DELE1: variants seen among roughly 807,000 people sequenced by gnomAD.
DELE1 encodes the protein death ligand signal enhancer.
Under a neutral mutation model 59.3 loss-of-function variants are expected in DELE1, and 54 were observed. The ratio of observed to expected loss-of-function variants is 0.91; its 90% CI spans 0.73 to 1.14. DELE1 has a LOEUF of 1.14. Among genes scored for constraint, DELE1 ranks in the 50% most tolerant of loss-of-function variants. The pLI, the probability that DELE1 is intolerant of heterozygous loss-of-function variation, is 0.00. For missense variants in DELE1, 636 were observed against 643.9 expected (o/e 0.99, Z 0.13); for synonymous variants, 264 against 259.1 (o/e 1.02, Z -0.18).
chr5:141,924,084 A>G (rs746930162), intron 1 of DELE1, 112 bp downstream of exon 1: 14 of 1,399,298 alleles, frequency 1.0e-5, no homozygotes, highest in Non-Finnish European at 1.3e-5. Context: ...AGAGCCAAGG[A>G]AGGCGGGGCT....
intron 7 of DELE1, among the ~76,000 whole-genome samples, chr5:141,932,390 G>T (rs1485626497): frequency 6.6e-6 from 1 of 152,270 alleles, no homozygotes; most frequent in South Asian, 2.1e-4. Context: ...AGTATCACTT[G>T]TATCAGTTAG....
intron 2 of DELE1, 35 bp from the exon 3 acceptor site, chr5:141,925,375 G>A: frequency 6.9e-7 from 1 of 1,439,072 alleles, no homozygotes; most frequent in African/African-American, 1.4e-5. Flanking sequence ...GTCTCCCTTT[G>A]CCCCTACTTG....
intron 8 of DELE1, 35 bp downstream of exon 8, chr5:141,933,436 G>T: frequency 7.2e-7 from 1 of 1,390,960 alleles, no homozygotes. Context: ...CTTCTGTGCT[G>T]GGCTGCTGAG....
intron 3 of DELE1, among the ~76,000 whole-genome samples, chr5:141,926,470 C>T (rs1561508381): frequency 6.6e-6 from 1 of 152,168 alleles, no homozygotes; most frequent in Non-Finnish European, 1.5e-5. Context: ...TACTAGTGAA[C>T]ACTAGGTCTC....
At chr5:141,925,044 C>G (rs1751278976) in intron 2 of DELE1, among the ~76,000 whole-genome samples, 1 of 152,194 alleles carries the variant, frequency 6.6e-6, no homozygotes, top group African/African-American at 2.4e-5. Flanking sequence ...TCTGCTGCCT[C>G]AGCCTCCCAA....
intron 7 of DELE1, 89 bp from the exon 8 acceptor site, chr5:141,933,170 G>GGATCA (rs932626575): frequency 1.6e-5 from 14 of 874,158 alleles, no homozygotes; most frequent in Non-Finnish European, 1.9e-5. Flanking sequence ...AAAGGGAGGA[G>GGATCA]GATCAGATGA....
chr5:141,924,954 G>A (rs543847722), intron 2 of DELE1, among the ~76,000 whole-genome samples: 3 of 151,560 alleles, frequency 2.0e-5, no homozygotes, highest in East Asian at 3.9e-4. Flanking sequence ...TTGAGACAGA[G>A]TCTCGCTCTG....
chr5:141,930,824 G>A (rs535889251), intron 7 of DELE1, among the ~76,000 whole-genome samples: 72 of 152,208 alleles, frequency 4.7e-4, no homozygotes, highest in African/African-American at 1.7e-3. Context: ...CAGTAACTTG[G>A]CTCATTTTAG....
intron 10 of DELE1, 103 bp from the exon 11 acceptor site, chr5:141,937,095 G>A: frequency 1.3e-6 from 2 of 1,563,234 alleles, no homozygotes; most frequent in Non-Finnish European, 1.7e-6. Flanking sequence ...ACCGTGTGTG[G>A]ATGAAGTCCC....
In DELE1 at chr5:141,924,692, A is replaced by G. The variant is rs1751228590; in HGVS notation, c.143A>G (p.Asp48Gly). 6.3e-7 allele frequency: 1 copy of G among 1,597,182 alleles called. No individual in the cohort carries two copies. The highest frequency in any genetic ancestry group is 8.6e-7 in the Non-Finnish European group (1 of 1,164,806). The change falls in exon 2 of 12, where the codon GAC (aspartate) becomes GGC (glycine). Residue 48 changes from aspartate to glycine, a missense_variant. Coordinates refer to ENST00000432126, the MANE Select transcript of DELE1 (RefSeq NM_014773.5). ...STLLVPVPNL[D>G]RSGPHGPGTS... is the part of the protein sequence containing the mutation. Reference sequence around the variant, plus strand: ...TTGCTGGTTCCTGTGCCTAACCTCGACAGGTAAGATACTGCCATTTTACCA... The same window carrying G: ...TTGCTGGTTCCTGTGCCTAACCTCGGCAGGTAAGATACTGCCATTTTACCA...
intron 1 of DELE1, 143 bp downstream of exon 1, chr5:141,924,115 A>AG: frequency 1.8e-6 from 2 of 1,105,894 alleles, no homozygotes; most frequent in South Asian, 2.7e-5. Context: ...CGGGGAAGTC[A>AG]GGGGCTGCTG....
At chr5:141,930,753 G>A (rs1751841615) in intron 7 of DELE1, among the ~76,000 whole-genome samples, 2 of 152,192 alleles carry the variant, frequency 1.3e-5, no homozygotes, top group South Asian at 4.1e-4. Flanking sequence ...GTGTGAACAG[G>A]AACCTCTTAA....
chr5:141,929,856 G>T, intron 5 of DELE1, 116 bp downstream of exon 5: 2 of 1,507,454 alleles, frequency 1.3e-6, no homozygotes, highest in Non-Finnish European at 1.8e-6. Context: ...CCCATGCCTT[G>T]TGAGGTGATT....
chr5:141,937,160 C>T, intron 10 of DELE1, 38 bp from the exon 11 acceptor site: 1 of 1,610,964 alleles, frequency 6.2e-7, no homozygotes, highest in Non-Finnish European at 8.5e-7. Flanking sequence ...CTCATTCCTG[C>T]ATGTGTGTAT....
intron 10 of DELE1, among the ~76,000 whole-genome samples, chr5:141,935,973 G>A (rs1188591168): frequency 6.6e-6 from 1 of 152,188 alleles, no homozygotes; most frequent in Non-Finnish European, 1.5e-5. Flanking sequence ...ATGTTTGTTG[G>A]AGAGACTTTT....
intron 3 of DELE1, among the ~76,000 whole-genome samples, chr5:141,927,209 A>C (rs1266658566): frequency 6.6e-6 from 1 of 152,208 alleles, no homozygotes; most frequent in Non-Finnish European, 1.5e-5. Flanking sequence ...CTGGAGCAAC[A>C]AGTAAGTATC....
rs1596630537 is a variant in DELE1, at chr5:141,940,531, C to T, written c.*1772C>T. The stretch of plus-strand genomic sequence containing the variant: ...TGAGGGGGGAAAGTTGTCCACGTTT[C>T]CCTCTCTGCTTCCCACCCCATCTCT... On this transcript the variant is annotated 3_prime_UTR_variant, in exon 12 of 12. Coordinates refer to ENST00000432126, the MANE Select transcript of DELE1 (RefSeq NM_014773.5). 4.1e-6 allele frequency: 4 copies of T among 985,418 alleles called. No homozygotes were observed. The highest frequency in any genetic ancestry group is 3.6e-6 in the Non-Finnish European group (3 of 829,934). The allele number at this position is 985,418 out of a possible 1,614,324, so 61.0% of individuals were successfully genotyped here.
chr5:141,928,154 A>T lies in DELE1; in HGVS notation c.268A>T (p.Thr90Ser). 2 of 1,613,152 alleles carry T rather than the reference A, an allele frequency of 1.2e-6. No individual in the cohort carries two copies. Among genetic ancestry groups the T allele is most frequent in the Non-Finnish European group, 1.7e-6 (2 of 1,179,496 alleles). Residue 90 changes from threonine to serine, a missense_variant, in exon 4 of 12, where the codon ACT becomes TCT. Coordinates refer to ENST00000432126, the MANE Select transcript of DELE1 (RefSeq NM_014773.5). The part of the protein sequence containing the change: ...NTLWDAISWG[T>S]LAVLALQLAR... ...CTTAACGTGCTGTCTTTCCCAGGGC[A>T]CTCTGGCCGTGCTGGCCCTGCAGCT...
In DELE1 at chr5:141,939,552, A is replaced by C. The variant is rs569392671; in HGVS notation, c.*793A>C. On this transcript the variant is annotated 3_prime_UTR_variant, in exon 12 of 12. Transcript: ENST00000432126. ...GCCTGGATGTGTCTGCTTGACTTTC[A>C]GAACTTCTCACCTCAGCCCTAAAGA... The C allele has an allele frequency of 3.0e-6, 3 of 985,792 alleles. No individual in the cohort carries two copies. The African/African-American group carries it at 5.2e-5, about 17-fold the overall frequency. 61.1% of individuals were successfully genotyped at this position (985,792 alleles called of 1,614,324 possible).
Sources: gnomAD v4.1 joint callset for allele counts (sites outside exome capture counted in the v4.1 genomes callset) on GRCh38, gnomAD v4.1.1 for gene constraint, MANE v1.5 for transcripts, NCBI Gene and HGNC (gene_info 2026-07-23, HGNC 2026-07-21) for gene names.